Variants in SLC4A4 observed in about 807,000 individuals in gnomAD.
SLC4A4 encodes electrogenic sodium bicarbonate cotransporter 1.
A neutral mutation model predicts 111.5 loss-of-function variants in SLC4A4; 27 were observed. The ratio of observed to expected loss-of-function variants is 0.24; its 90% CI spans 0.18 to 0.33. The LOEUF is 0.33. SLC4A4 is among the 10% of genes least tolerant of loss of function. The pLI is 1.00. For synonymous variants in SLC4A4, 443 were observed against 463.4 expected (o/e 0.96, Z 0.57); for missense variants, 909 against 1,315.5 (o/e 0.69, Z 4.78).
chr4:71,529,584 A>G (rs1287709223), intron 16 of SLC4A4, among the ~76,000 whole-genome samples: 2 of 152,110 alleles, frequency 1.3e-5, no homozygotes, highest in South Asian at 2.1e-4. Flanking sequence ...CTAAAGAAGC[A>G]GAATTGCCCA....
In SLC4A4 at chr4:71,228,897, T is replaced by C. The variant is rs560389833; in HGVS notation, c.-1-7679T>C. ...GGCACTGATACAATTCACCAAACTT[T>C]ATTCACATTTCCTGTTTTACTTGTA... On this transcript the variant is annotated intron_variant, in intron 1 of 25. Transcript: ENST00000264485. Among the ~76,000 whole-genome samples the C allele has an allele frequency of 2.6e-5, 4 of 152,360 alleles. No individual in the cohort carries two copies. In the East Asian group the frequency reaches 7.7e-4, roughly 29 times the overall value.
intron 1 of SLC4A4, among the ~76,000 whole-genome samples, chr4:71,069,687 C>T (rs538787294): frequency 1.3e-5 from 2 of 152,190 alleles, no homozygotes; most frequent in South Asian, 2.1e-4. Context: ...TCACTTTATC[C>T]TTATTTTATA....
Position 71,121,943 on chromosome 4 carries a change from C to T in SLC4A4, c.-2+29151C>T, listed in dbSNP as rs180689799. Among the ~76,000 whole-genome samples the T allele has an allele frequency of 3.3e-5, 5 of 152,150 alleles. 1 individual carries two copies. The highest frequency in any genetic ancestry group is 9.6e-5 in the African/African-American group (4 of 41,512). On this transcript the variant is annotated intron_variant, in intron 2 of 26. Transcript: ENST00000649996. ...ACCCACTGGGAGGAATGAACAACTC[C>T]GGACGGGAGGAATGAACAACTCCAG...
At chr4:71,203,659 A>T (rs4694093) in intron 1 of SLC4A4, among the ~76,000 whole-genome samples, 108,060 of 152,104 alleles carry the variant, frequency 0.71, 42,084 homozygotes, top group Non-Finnish European at 0.88. Context: ...TAAATGAATA[A>T]ATGCAAACCA....
At chr4:71,419,680 C>T (rs192394921) in intron 7 of SLC4A4, among the ~76,000 whole-genome samples, 7 of 152,348 alleles carry the variant, frequency 4.6e-5, no homozygotes, top group African/African-American at 7.2e-5. Flanking sequence ...TCCTTCGGCT[C>T]GTGCACGGTG....
At chr4:71,153,720 A>G (rs756729774) in intron 2 of SLC4A4, among the ~76,000 whole-genome samples, 29 of 152,150 alleles carry the variant, frequency 1.9e-4, no homozygotes, top group Non-Finnish European at 3.7e-4. Context: ...TATCTACACT[A>G]CACCTTACAA....
intron 7 of SLC4A4, 112 bp downstream of exon 7, chr4:71,397,765 G>A: frequency 1.1e-6 from 1 of 925,272 alleles, no homozygotes; most frequent in South Asian, 1.3e-5. Flanking sequence ...TTTACGTGCA[G>A]ACAACAGTTT....
chr4:71,507,717 T>C (rs1731546196), intron 16 of SLC4A4, among the ~76,000 whole-genome samples: 1 of 152,198 alleles, frequency 6.6e-6, no homozygotes, highest in Non-Finnish European at 1.5e-5. Context: ...ATTCAAGACC[T>C]GAACTCAGCT....
At chr4:71,537,900 C>G (rs968907354) in intron 18 of SLC4A4, among the ~76,000 whole-genome samples, 1 of 152,096 alleles carries the variant, frequency 6.6e-6, no homozygotes, top group African/African-American at 2.4e-5. Context: ...CAGTCCCAGG[C>G]TCCAGGGCTT....
intron 3 of SLC4A4, among the ~76,000 whole-genome samples, chr4:71,268,119 A>T (rs979938497): frequency 1.4e-5 from 2 of 138,740 alleles, no homozygotes; most frequent in African/African-American, 5.3e-5. Context: ...ATCTCAGCAA[A>T]AGCTTTTGGC....
chr4:71,078,676 T>C (rs1320633852), intron 1 of SLC4A4, among the ~76,000 whole-genome samples: 1 of 152,148 alleles, frequency 6.6e-6, no homozygotes, highest in African/African-American at 2.4e-5. Context: ...TCATACTCAT[T>C]CTAGCTCCCG....
intron 22 of SLC4A4, among the ~76,000 whole-genome samples, chr4:71,559,450 A>G (rs910690754): frequency 5.3e-5 from 8 of 151,760 alleles, no homozygotes; most frequent in African/African-American, 1.7e-4. Context: ...CTAACCTTCA[A>G]TTTCCTCAGC....
At position 71,378,219 on chromosome 4, in the gene SLC4A4, G is replaced by T. The variant is rs56982896; in HGVS notation, c.731-19358G>T. Among the ~76,000 whole-genome samples, 1,208 of 152,296 alleles carry T rather than the reference G, an allele frequency of 7.9e-3. 17 individuals are homozygous for T. Among genetic ancestry groups the T allele is most frequent in the African/African-American group, 0.026 (1,070 of 41,560 alleles). ...TTGAAGAATGATTATGCTACCATGT[G>T]CCCTGAAGGTGGAGATTCAGAAATA... On this transcript the variant is annotated intron_variant, in intron 6 of 25. Transcript: ENST00000264485.
intron 9 of SLC4A4, among the ~76,000 whole-genome samples, chr4:71,448,133 A>G (rs1725402872): frequency 6.6e-6 from 1 of 152,106 alleles, no homozygotes; most frequent in South Asian, 2.1e-4. Context: ...CAGCCTGACC[A>G]ACATGGTGAA....
chr4:71,228,508 T>G (rs1053795715), intron 1 of SLC4A4, among the ~76,000 whole-genome samples: 8 of 152,188 alleles, frequency 5.3e-5, no homozygotes, highest in Non-Finnish European at 1.5e-5. Flanking sequence ...TAAACTAACT[T>G]CTGAAGTGGT....
At chr4:71,444,409 ACT>A (rs1725040980) in intron 8 of SLC4A4, among the ~76,000 whole-genome samples, 1 of 152,260 alleles carries the variant, frequency 6.6e-6, no homozygotes, top group African/African-American at 2.4e-5. Flanking sequence ...AAAAATTGTA[ACT>A]CTGACTTATT....
chr4:71,307,062 A>T (rs1298883821), intron 3 of SLC4A4, among the ~76,000 whole-genome samples: 2 of 152,220 alleles, frequency 1.3e-5, no homozygotes, highest in Non-Finnish European at 2.9e-5. Flanking sequence ...AGCCTGAAGC[A>T]TTTAGAAAAT....
At chr4:71,312,311 T>G (rs772240912) in intron 3 of SLC4A4, among the ~76,000 whole-genome samples, 1 of 152,068 alleles carries the variant, frequency 6.6e-6, no homozygotes, top group Non-Finnish European at 1.5e-5. Flanking sequence ...GCCCAGGACC[T>G]GACGGATTCA....
At chr4:71,257,099 G>A (rs1237123971) in intron 3 of SLC4A4, among the ~76,000 whole-genome samples, 2 of 152,186 alleles carry the variant, frequency 1.3e-5, no homozygotes, top group Admixed American at 6.5e-5. Flanking sequence ...TCAGGAAGAT[G>A]CTGAGACCGC....
Sources: gnomAD v4.1 joint callset for allele counts (sites outside exome capture counted in the v4.1 genomes callset) on GRCh38, gnomAD v4.1.1 for gene constraint, MANE v1.5 for transcripts, NCBI Gene and HGNC (gene_info 2026-07-23, HGNC 2026-07-21) for gene names.